The following MYH10 variants were observed in gnomAD, a reference collection of about 807,000 sequenced individuals.
The protein encoded by MYH10 is myosin-10.
A neutral mutation model predicts 257.8 loss-of-function variants in MYH10; 55 were observed. That is an observed-to-expected ratio of 0.21 (90% CI 0.17 to 0.27). The LOEUF is 0.27. Ranked by LOEUF, MYH10 falls within the 10% of genes least tolerant of loss-of-function variation. MYH10 has a pLI of 1.00. For synonymous variants in MYH10, 854 were observed against 921.7 expected (o/e 0.93, Z 1.33); for missense variants, 1,631 against 2,500.6 (o/e 0.65, Z 7.42).
intron 2 of MYH10, among the ~76,000 whole-genome samples, chr17:8,610,290 A>AAAAAAAAAAAAAAAG: frequency 6.7e-6 from 1 of 149,158 alleles, no homozygotes; most frequent in Non-Finnish European, 1.5e-5. Flanking sequence ...AAAAAAAAAA[A>AAAAAAAAAAAAAAAG]AAGGGTTGGG....
At position 8,490,707 on chromosome 17, in the gene MYH10, C is replaced by T. The variant is rs912039454; in HGVS notation, c.4672-155G>A. On this transcript the variant is annotated intron_variant, in intron 34 of 42. Transcript: ENST00000360416. The surrounding 1 kb of genome is among the most constrained non-coding windows in gnomAD (Gnocchi z 4.1). Reference sequence around the variant, plus strand: ...CACATGCATACACATCCTTCCCTCTCCCCTGAAAGCTGCTGCTATTCTCCA... The same window carrying T: ...CACATGCATACACATCCTTCCCTCTTCCCTGAAAGCTGCTGCTATTCTCCA... Among the ~76,000 whole-genome samples the T allele has an allele frequency of 6.6e-6, 1 of 152,256 alleles. No homozygotes were observed. Among genetic ancestry groups the T allele is most frequent in the Non-Finnish European group, 1.5e-5 (1 of 68,046 alleles).
intron 28 of MYH10, 37 bp from the exon 29 acceptor site, chr17:8,501,007 G>C: frequency 6.3e-7 from 1 of 1,576,720 alleles, no homozygotes. Flanking sequence ...ATCAGAATTA[G>C]CTGACTGATT....
rs199670475 is a variant in MYH10 at position 8,481,276 on chromosome 17, G to A, written c.5264+46C>T. ...ACACCTCCAGCCTTCTCAGCAGTGC[G>A]CGTGCCTGAGGGCGAAGAACCCACC... On this transcript the variant is annotated intron_variant, in intron 38 of 42. Coordinates refer to ENST00000360416, the MANE Select transcript of MYH10 (RefSeq NM_001256012.3). The A allele has an allele frequency of 2.3e-5, 36 of 1,574,554 alleles. No homozygotes were observed. The Middle Eastern group carries it at 1.1e-3, about 46-fold the overall frequency.
chr17:8,576,930 G>T (rs1238008383), intron 5 of MYH10, among the ~76,000 whole-genome samples: 1 of 152,152 alleles, frequency 6.6e-6, no homozygotes, highest in Non-Finnish European at 1.5e-5. Context: ...GTGGGTAGTA[G>T]CAAGAGGCTA....
Position 8,535,829 on chromosome 17 carries a change from G to A in MYH10, c.1708C>T (p.His570Tyr). The A allele has an allele frequency of 6.2e-7, 1 of 1,614,008 alleles. No individual in the cohort carries two copies. Among genetic ancestry groups the A allele is most frequent in the East Asian group, 2.2e-5 (1 of 44,884 alleles). The change falls in exon 15 of 43, where the codon CAC (histidine) becomes TAC (tyrosine). Residue 570 changes from histidine (H) to tyrosine (Y), a missense_variant. His to Tyr is a moderately conservative substitution (Grantham distance 83). Coordinates refer to ENST00000360416, the MANE Select transcript of MYH10 (RefSeq NM_001256012.3). This position sits in a 1 kb window ranked among gnomAD's most constrained non-coding sequence, Gnocchi z 4.3. ...TGTCGAGGTTTCTGAAACTTGGAGTGGGAACCTTGCTCTTGAACCAGTTTT... is the reference window on the plus strand; with the variant it reads ...TGTCGAGGTTTCTGAAACTTGGAGTAGGAACCTTGCTCTTGAACCAGTTTT... ...VEKLVQEQGS[H>Y]SKFQKPRQLK...
rs148224718 is a variant in MYH10, at chr17:8,622,409, T to C, written c.345+493A>G. On this transcript the variant is annotated intron_variant, in intron 2 of 42. Transcript: ENST00000360416. ...CCAGCCAGCCTCAATCTTACCCTAA[T>C]TGTTTCCTCTTAAAAACCTCAGCAT... 4.6e-3 allele frequency among the ~76,000 whole-genome samples: 694 copies of C among 152,300 alleles called. 7 individuals are homozygous for C. Among genetic ancestry groups the C allele is most frequent in the African/African-American group, 0.015 (644 of 41,554 alleles).
At position 8,610,271 on chromosome 17, in the gene MYH10, CAAAAAAAAA is replaced by C. The variant is rs71361810; in HGVS notation, c.346-5298_346-5290del. ...GTTTATAGGGAGCACCATAGGATTG[CAAAAAAAAA>C]AAAAAAAAAAAAGGGTTGGGGGAAG... On this transcript the variant is annotated intron_variant, in intron 2 of 42. Transcript: ENST00000360416. Among the ~76,000 whole-genome samples, 337 of 46,002 alleles carry C rather than the reference CAAAAAAAAA, an allele frequency of 7.3e-3. 12 individuals are homozygous for C. The highest frequency in any genetic ancestry group is 0.032 in the African/African-American group (312 of 9,884). The allele number at this position is 46,002 out of a possible 152,430, so 30.2% of individuals were successfully genotyped here.
intron 4 of MYH10, among the ~76,000 whole-genome samples, chr17:8,577,763 C>T (rs1029848005): frequency 2.0e-5 from 3 of 152,128 alleles, no homozygotes; most frequent in Admixed American, 1.3e-4. Context: ...AACTCCTGGC[C>T]TCAAGTGATC....
chr17:8,616,153 C>T (rs931034538), intron 2 of MYH10, among the ~76,000 whole-genome samples: 1 of 152,048 alleles, frequency 6.6e-6, no homozygotes, highest in African/African-American at 2.4e-5. Context: ...CATGGTGGTA[C>T]ATGCCTATGG....
At chr17:8,510,548 C>G (rs1478180035) in intron 24 of MYH10, among the ~76,000 whole-genome samples, 1 of 152,104 alleles carries the variant, frequency 6.6e-6, no homozygotes, top group African/African-American at 2.4e-5. Flanking sequence ...TATTGAGTAA[C>G]TATGAACATG....
intron 37 of MYH10, 104 bp from the exon 38 acceptor site, chr17:8,481,514 A>C: frequency 1.1e-6 from 1 of 932,294 alleles, no homozygotes; most frequent in Non-Finnish European, 1.6e-6. Flanking sequence ...GTCACTGTTT[A>C]CCTGCACCTC....
chr17:8,602,997 T>C (rs572482532), intron 3 of MYH10, among the ~76,000 whole-genome samples: 1 of 152,338 alleles, frequency 6.6e-6, no homozygotes, highest in Non-Finnish European at 1.5e-5. Flanking sequence ...CCTCATTCTG[T>C]TTACTAAAGA....
intron 37 of MYH10, among the ~76,000 whole-genome samples, chr17:8,481,933 T>C (rs1307991701): frequency 6.6e-6 from 1 of 152,180 alleles, no homozygotes; most frequent in African/African-American, 2.4e-5. Flanking sequence ...CTCAAGTGTT[T>C]GCAGAGCTGG....
chr17:8,606,662 G>A (rs932612963), intron 2 of MYH10, among the ~76,000 whole-genome samples: 1 of 152,300 alleles, frequency 6.6e-6, no homozygotes. Flanking sequence ...CTGGCTGCCC[G>A]CCTTGTATTT....
At chr17:8,589,895 G>A (rs954548587) in intron 3 of MYH10, among the ~76,000 whole-genome samples, 1 of 152,180 alleles carries the variant, frequency 6.6e-6, no homozygotes, top group Non-Finnish European at 1.5e-5. Context: ...TCACAGATGA[G>A]AAAATGTTCC....
intron 3 of MYH10, among the ~76,000 whole-genome samples, chr17:8,596,153 CTTTT>C (rs11347837): frequency 2.7e-5 from 3 of 110,396 alleles, no homozygotes; most frequent in Admixed American, 1.8e-4. Flanking sequence ...TATTTTCTGA[CTTTT>C]TTTTTTTTTT....
chr17:8,512,580 C>T lies in MYH10; in HGVS notation c.2823G>A (p.Arg941=). ...TELFAEAEEM[R]ARLAAKKQEL... is the part of the protein sequence containing the mutation. ...CCTGCTTTTTAGCAGCAAGTCTTGCCCTCATCTCTTCTGCTTCAGCAAAGA... is the reference window on the plus strand; with the variant it reads ...CCTGCTTTTTAGCAGCAAGTCTTGCTCTCATCTCTTCTGCTTCAGCAAAGA... Residue 941 remains arginine, a synonymous_variant, in exon 24 of 43, where the codon AGG becomes AGA. Transcript: ENST00000360416. 1 of 1,613,544 alleles carries T rather than the reference C, an allele frequency of 6.2e-7. No individual in the cohort carries two copies. The highest frequency in any genetic ancestry group is 1.1e-5 in the South Asian group (1 of 91,062).
rs771926092 is a variant in MYH10 at position 8,589,091 on chromosome 17, T to C, written c.520A>G (p.Ile174Val). 20 of 1,613,512 alleles carry C rather than the reference T, an allele frequency of 1.2e-5. No individual in the cohort carries two copies. Among genetic ancestry groups the C allele is most frequent in the East Asian group, 2.2e-5 (1 of 44,874 alleles). Reference protein sequence around the residue: ...CMLQDREDQSILCTGESGAGK... With the variant: ...CMLQDREDQSVLCTGESGAGK... ...TCAACATTTACTTACGTGCAAAGAA[T>C]TGACTGGTCCTCACGATCTATAAAA... The change falls in exon 4 of 43, where the codon ATT becomes GTT. Residue 174 changes from isoleucine to valine, a missense_variant. Physicochemically the swap from Ile to Val is conservative, Grantham distance 29. Coordinates refer to ENST00000360416, the MANE Select transcript of MYH10 (RefSeq NM_001256012.3).
Position 8,477,063 on chromosome 17 carries a change from A to G in MYH10, c.5707-15T>C, listed in dbSNP as rs757685581. 25 of 1,613,440 alleles carry G rather than the reference A, an allele frequency of 1.5e-5. No homozygotes were observed. The highest frequency in any genetic ancestry group is 1.3e-4 in the South Asian group (12 of 91,080). On this transcript the variant is annotated splice_polypyrimidine_tract_variant and intron_variant, in intron 41 of 42. Transcript: ENST00000360416. The surrounding 1 kb of genome is among the most constrained non-coding windows in gnomAD (Gnocchi z 4.2). Reference sequence around the variant, plus strand: ...GCCTTCTCCATCTTGGGGAGGGTACATGAACCAAAACAAACCAAACTGGTG... The same window carrying G: ...GCCTTCTCCATCTTGGGGAGGGTACGTGAACCAAAACAAACCAAACTGGTG...
Sources: gnomAD v4.1 joint callset for allele counts (sites outside exome capture counted in the v4.1 genomes callset) on GRCh38, gnomAD v4.1.1 for gene constraint, Gnocchi (gnomAD v3.1) non-coding constraint, MANE v1.5 for transcripts, NCBI Gene and HGNC (gene_info 2026-07-23, HGNC 2026-07-21) for gene names.